The following TNNI3K variants were observed in gnomAD, a reference collection of about 807,000 sequenced individuals.
TNNI3K encodes the protein serine/threonine-protein kinase TNNI3K.
In TNNI3K, 140 loss-of-function variants were observed where a neutral mutation model predicts 114.5. The observed-to-expected ratio is 1.22, with a 90% CI of 1.07 to 1.41. The LOEUF (loss-of-function observed/expected upper bound fraction) is 1.41, where lower values mean the gene tolerates loss of function less well. Among genes scored for constraint, TNNI3K ranks in the 40% most tolerant of loss-of-function variants. The pLI is 0.00. For missense variants in TNNI3K, 1,125 were observed against 1,007.6 expected, an observed-to-expected ratio of 1.12 and a Z score of -1.58; for synonymous variants, 347 against 347.5, an observed-to-expected ratio of 1.00 and a Z score of 0.02.
chr1:74,430,353 T>C (rs563039997), intron 17 of TNNI3K, among the ~76,000 whole-genome samples: 4 of 152,198 alleles, frequency 2.6e-5, no homozygotes, highest in African/African-American at 7.2e-5. Flanking sequence ...AATTCTGAGG[T>C]TGGGGAAAAT....
At chr1:74,368,489 G>A (rs1389800565) in intron 13 of TNNI3K, among the ~76,000 whole-genome samples, 1 of 151,796 alleles carries the variant, frequency 6.6e-6, no homozygotes, top group Non-Finnish European at 1.5e-5. Flanking sequence ...TGTTTCCTTA[G>A]AATGATTCAT....
intron 7 of TNNI3K, among the ~76,000 whole-genome samples, chr1:74,336,999 TCTCCAGCA>T (rs1325019501): frequency 2.0e-5 from 3 of 151,282 alleles, no homozygotes; most frequent in Non-Finnish European, 3.0e-5. Context: ...CTCCACATCC[TCTCCAGCA>T]CCTGTTGTTT....
intron 2 of TNNI3K, among the ~76,000 whole-genome samples, chr1:74,249,152 A>G (rs1316241467): frequency 6.6e-6 from 1 of 150,610 alleles, no homozygotes; most frequent in Non-Finnish European, 1.5e-5. Context: ...CCTTGGTTTT[A>G]CTTGTCTTTA....
intron 21 of TNNI3K, chr1:74,480,653 C>G: frequency 1.4e-6 from 1 of 717,256 alleles, no homozygotes. Context: ...CAGCTGGAGC[C>G]GGGTCAGGCC....
At chr1:74,512,471 G>A (rs1670278269) in intron 23 of TNNI3K, 1 of 152,042 alleles carries the variant, frequency 6.6e-6, no homozygotes, top group Non-Finnish European at 1.5e-5. Flanking sequence ...GAGAAATAAA[G>A]GTGTAAAAAT....
Position 74,464,107 on chromosome 1 carries a change from C to T in TNNI3K, c.2121+557C>T, listed in dbSNP as rs1039468017. 3.0e-4 allele frequency among the ~76,000 whole-genome samples: 45 copies of T among 152,112 alleles called. 1 individual carries two copies. The highest frequency in any genetic ancestry group is 2.7e-3 in the Admixed American group (42 of 15,276). ...AAACAGTAAAATAAATTTTTAAATA[C>T]GGTCATAGGTCTAAAAGAATAGAGA... On this transcript the variant is annotated intron_variant, in intron 21 of 24. Transcript: ENST00000326637.
intron 11 of TNNI3K, among the ~76,000 whole-genome samples, chr1:74,363,097 T>C (rs1339854007): frequency 6.6e-6 from 1 of 152,116 alleles, no homozygotes; most frequent in African/African-American, 2.4e-5. Flanking sequence ...ATTCCATTAG[T>C]GTGCCTTGGT....
At chr1:74,490,050 T>TAAAA (rs36063099) in intron 22 of TNNI3K, among the ~76,000 whole-genome samples, 3 of 42,888 alleles carry the variant, frequency 7.0e-5, no homozygotes, top group Admixed American at 2.6e-4. Context: ...TTTTTTTTTC[T>TAAAA]AAAAAAAAAA....
intron 23 of TNNI3K, among the ~76,000 whole-genome samples, chr1:74,514,640 AG>A (rs986796722): frequency 6.6e-6 from 1 of 152,150 alleles, no homozygotes; most frequent in African/African-American, 2.4e-5. Flanking sequence ...TGAGATAGTA[AG>A]GGGGGAAGCT....
At chr1:74,464,808 C>T in intron 21 of TNNI3K, 1 of 1,506,706 alleles carries the variant, frequency 6.6e-7, no homozygotes, top group Non-Finnish European at 8.9e-7. Flanking sequence ...TCCATCACTA[C>T]CAAAATGTTA....
At chr1:74,369,645 C>A in intron 16 of TNNI3K, 60 bp downstream of exon 16, 1 of 1,477,756 alleles carries the variant, frequency 6.8e-7, no homozygotes, top group Non-Finnish European at 9.0e-7. Flanking sequence ...TCTTGCAATA[C>A]TTCAGAGGGT....
At chr1:74,532,532 A>T (rs1557632236) in intron 23 of TNNI3K, among the ~76,000 whole-genome samples, 6 of 151,770 alleles carry the variant, frequency 4.0e-5, no homozygotes, top group African/African-American at 1.2e-4. Context: ...TGTGCAGGTT[A>T]GTTACATATG....
intron 23 of TNNI3K, among the ~76,000 whole-genome samples, chr1:74,509,163 A>C (rs1670055480): frequency 6.6e-6 from 1 of 152,116 alleles, no homozygotes; most frequent in African/African-American, 2.4e-5. Flanking sequence ...TTTACCCATA[A>C]ATTTCTCACA....
chr1:74,498,573 G>A (rs1465545705), intron 23 of TNNI3K, among the ~76,000 whole-genome samples: 1 of 151,994 alleles, frequency 6.6e-6, no homozygotes, highest in Non-Finnish European at 1.5e-5. Flanking sequence ...AAAATTATTA[G>A]TTAGGCTGTA....
At chr1:74,347,405 G>A (rs1471976499) in intron 9 of TNNI3K, among the ~76,000 whole-genome samples, 1 of 151,998 alleles carries the variant, frequency 6.6e-6, no homozygotes, top group African/African-American at 2.4e-5. Flanking sequence ...TATCATTGTT[G>A]GACATTTGGG....
At chr1:74,410,885 T>G (rs1452646449) in intron 17 of TNNI3K, among the ~76,000 whole-genome samples, 1 of 152,224 alleles carries the variant, frequency 6.6e-6, no homozygotes, top group Non-Finnish European at 1.5e-5. Flanking sequence ...TCAAACAGAC[T>G]GATTTCTTTC....
At chr1:74,277,141 G>T (rs956673550) in intron 5 of TNNI3K, among the ~76,000 whole-genome samples, 3 of 152,064 alleles carry the variant, frequency 2.0e-5, no homozygotes, top group African/African-American at 7.2e-5. Flanking sequence ...GCTAACATTT[G>T]GTGGTACTTT....
chr1:74,297,123 A>G (rs1273960571), intron 5 of TNNI3K, among the ~76,000 whole-genome samples: 1 of 152,008 alleles, frequency 6.6e-6, no homozygotes, highest in African/African-American at 2.4e-5. Flanking sequence ...TTACACTAAT[A>G]TAATACCTTC....
At chr1:74,533,630 C>G (rs1230778606) in intron 23 of TNNI3K, among the ~76,000 whole-genome samples, 3 of 151,932 alleles carry the variant, frequency 2.0e-5, no homozygotes, top group Non-Finnish European at 4.4e-5. Context: ...TATTGTGGCA[C>G]TATTCACAAT....
Sources: gnomAD v4.1 joint callset for allele counts (sites outside exome capture counted in the v4.1 genomes callset) on GRCh38, gnomAD v4.1.1 for gene constraint, MANE v1.5 for transcripts, NCBI Gene and HGNC (gene_info 2026-07-23, HGNC 2026-07-21) for gene names.